INSL6: variants seen among roughly 807,000 people sequenced by gnomAD.
INSL6 encodes the protein insulin like 6, also known as insulin-like peptide INSL6.
Under a neutral mutation model 9.4 loss-of-function variants are expected in INSL6, and 16 were observed. The ratio of observed to expected loss-of-function variants is 1.70; its 90% confidence interval spans 1.15 to 2.59. The LOEUF (loss-of-function observed/expected upper bound fraction) is 2.59. Ranked by LOEUF, INSL6 falls within the 30% of genes most tolerant of loss-of-function variation. The probability of loss-of-function intolerance (pLI) is 0.00; values close to 1 mark genes in which losing one functional copy is unlikely to be tolerated. For synonymous variants in INSL6, 154 were observed against 96.9 expected, an observed-to-expected ratio of 1.59 and a Z score of -3.46; for missense variants, 391 against 257.3, an observed-to-expected ratio of 1.52 and a Z score of -3.56.
At chr9:5,009,351 A>G in the INSL6 span, among the ~76,000 whole-genome samples, 16 of 152,198 alleles carry the variant, frequency 1.1e-4, no homozygotes, top group Non-Finnish European at 2.4e-4. Flanking sequence ...TATAGTGGCT[A>G]CATCTGATAC....
chr9:5,059,828 T>C, the INSL6 span, among the ~76,000 whole-genome samples: 1 of 152,222 alleles, frequency 6.6e-6, no homozygotes, highest in Non-Finnish European at 1.5e-5. Context: ...CACTTACTTA[T>C]TGTTCATCTG....
chr9:5,171,298 TAA>T (rs1159827544), intron 1 of INSL6, among the ~76,000 whole-genome samples: 1 of 152,164 alleles, frequency 6.6e-6, no homozygotes, highest in East Asian at 1.9e-4. Context: ...CCCTTCATGT[TAA>T]AAACTCTCAA....
In INSL6 at chr9:5,164,202, TC is replaced by T; in HGVS notation, c.352del (p.Asp118IlefsTer41). 1 of 1,607,702 alleles carries T rather than the reference TC, an allele frequency of 6.2e-7. No individual in the cohort carries two copies. The highest frequency in any genetic ancestry group is 8.5e-7 in the Non-Finnish European group (1 of 1,177,686). On this transcript the variant is annotated frameshift_variant, in exon 2 of 2. Transcript: ENST00000381641. LOFTEE classifies it low-confidence loss of function (END_TRUNC). ...WEMQSLPEYK[D>X]KKGYSPLGKT... ...ACCAAGGGGTGAATATCCCTTTTTA[TC>T]CTTATACTCAGGTAGTGACTGCATT...
chr9:5,054,553 T>G, the INSL6 span: 2 of 1,548,088 alleles, frequency 1.3e-6, no homozygotes, highest in Non-Finnish European at 1.7e-6. The surrounding 1 kb of genome is among the most constrained non-coding windows in gnomAD (Gnocchi z 4.9). Flanking sequence ...ATGTGCTTTT[T>G]TATCCCTAGC....
chr9:5,115,940 G>C, the INSL6 span, among the ~76,000 whole-genome samples: 1 of 152,100 alleles, frequency 6.6e-6, no homozygotes, highest in Non-Finnish European at 1.5e-5. Flanking sequence ...ATAGCTTTAA[G>C]AGAAATACCT....
the INSL6 span, chr9:5,090,576 T>C: frequency 6.4e-7 from 1 of 1,562,896 alleles, no homozygotes; most frequent in Non-Finnish European, 8.6e-7. Context: ...GCAAGGTAAC[T>C]AATATCCTGA....
chr9:5,130,337 TTGAGCAGTG>T (rs1824245008), intron 3 of INSL6, among the ~76,000 whole-genome samples: 1 of 152,226 alleles, frequency 6.6e-6, no homozygotes, highest in Admixed American at 6.5e-5. Flanking sequence ...TAAATCATCT[TTGAGCAGTG>T]TGAACAGACA....
At chr9:5,110,851 G>A in the INSL6 span, 2 of 472,452 alleles carry the variant, frequency 4.2e-6, no homozygotes, top group Non-Finnish European at 8.2e-6. Flanking sequence ...TGGGGGGGAC[G>A]CTTCATGCCG....
At chr9:5,013,932 A>G in the INSL6 span, among the ~76,000 whole-genome samples, 1 of 152,162 alleles carries the variant, frequency 6.6e-6, no homozygotes, top group African/African-American at 2.4e-5. Context: ...GCAATAAGAA[A>G]GGATGAAACT....
chr9:5,109,594 A>C, the INSL6 span: 1 of 152,182 alleles, frequency 6.6e-6, no homozygotes, highest in South Asian at 2.1e-4. Flanking sequence ...TACCCAAATT[A>C]CATAAAAATA....
At chr9:5,047,012 A>G in the INSL6 span, among the ~76,000 whole-genome samples, 1 of 152,146 alleles carries the variant, frequency 6.6e-6, no homozygotes, top group Admixed American at 6.5e-5. Context: ...AGAATACTCA[A>G]TTTTATCCTT....
At chr9:5,169,957 T>C (rs1825141286) in intron 1 of INSL6, among the ~76,000 whole-genome samples, 1 of 152,142 alleles carries the variant, frequency 6.6e-6, no homozygotes, top group South Asian at 2.1e-4. Flanking sequence ...AGACTGATTG[T>C]TGAGACAGAA....
Position 5,185,563 on chromosome 9 carries a change from G to A in INSL6, c.40C>T (p.Leu14Phe), listed in dbSNP as rs200880390. 1 of 1,613,788 alleles carries A rather than the reference G, an allele frequency of 6.2e-7. No individual in the cohort carries two copies. The highest frequency in any genetic ancestry group is 2.2e-5 in the East Asian group (1 of 44,874). The change falls in exon 1 of 2, where the codon CTC (leucine) becomes TTC (phenylalanine). Residue 14 changes from leucine (L) to phenylalanine (F), a missense_variant. Physicochemically the swap from Leu to Phe is conservative, Grantham distance 22. Transcript: ENST00000381641. ...TCACGAGAAAACCGAACCAGCAGGA[G>A]TCCAAGCCACAGCAGGGACAAGCGG... Reference protein sequence around the residue: ...LLRLSLLWLGLLLVRFSRELS... With the variant: ...LLRLSLLWLGFLLVRFSRELS...
At chr9:5,179,044 C>CA (rs57246500) in intron 1 of INSL6, among the ~76,000 whole-genome samples, 17,793 of 132,676 alleles carry the variant, frequency 0.13, 3,126 homozygotes, top group African/African-American at 0.41. Flanking sequence ...TTCTGCACAG[C>CA]AAAAAAAAAA....
chr9:5,018,847 T>C, the INSL6 span, among the ~76,000 whole-genome samples: 2 of 152,250 alleles, frequency 1.3e-5, no homozygotes, highest in Admixed American at 1.3e-4. Flanking sequence ...ATTCTCTTCC[T>C]GGCCTGTAAT....
intron 1 of INSL6, among the ~76,000 whole-genome samples, chr9:5,165,716 A>C (rs1825037176): frequency 6.6e-6 from 1 of 152,204 alleles, no homozygotes; most frequent in African/African-American, 2.4e-5. Context: ...GGTACAATGA[A>C]CTGATTGTCA....
the INSL6 span, among the ~76,000 whole-genome samples, chr9:5,062,315 T>TCAAAG: frequency 1.3e-5 from 2 of 151,948 alleles, no homozygotes; most frequent in Non-Finnish European, 2.9e-5. Context: ...GAGGGACAAC[T>TCAAAG]GTACAATAGT....
At chr9:5,084,026 C>CT in the INSL6 span, among the ~76,000 whole-genome samples, 1 of 152,158 alleles carries the variant, frequency 6.6e-6, no homozygotes, top group African/African-American at 2.4e-5. Context: ...CAACATTCCC[C>CT]TTTATTGTAA....
At chr9:5,004,841 G>C in the INSL6 span, among the ~76,000 whole-genome samples, 128 of 151,418 alleles carry the variant, frequency 8.5e-4, no homozygotes, top group Non-Finnish European at 1.7e-3. Flanking sequence ...CATGAGGTGA[G>C]ATCTCACTAT....
Sources: allele counts gnomAD v4.1 joint callset (sites outside exome capture counted in the v4.1 genomes callset), GRCh38; gene constraint gnomAD v4.1.1; non-coding constraint Gnocchi (gnomAD v3.1); transcripts MANE v1.5; gene names NCBI Gene and HGNC (gene_info 2026-07-23, HGNC 2026-07-21).